Variants in PIK3CA observed in about 807,000 individuals in gnomAD.
PIK3CA encodes phosphatidylinositol 4,5-bisphosphate 3-kinase catalytic subunit alpha isoform.
PIK3CA carries 27 observed loss-of-function variants against 138.2 expected under a neutral mutation model. The observed-to-expected ratio is 0.20, with a 90% CI of 0.14 to 0.27. The LOEUF (loss-of-function observed/expected upper bound fraction) is 0.27. Among genes scored for constraint, PIK3CA ranks in the 10% least tolerant of loss-of-function variants. The probability of loss-of-function intolerance (pLI) is 1.00; values close to 1 mark genes in which losing one functional copy is unlikely to be tolerated. For synonymous variants in PIK3CA, 358 were observed against 413.2 expected, an observed-to-expected ratio of 0.87 and a Z score of 1.62; for missense variants, 544 against 1,277.4, an observed-to-expected ratio of 0.43 and a Z score of 8.75.
At chr3:179,181,690 C>A (rs1441320264) in intron 1 of PIK3CA, among the ~76,000 whole-genome samples, 1 of 152,026 alleles carries the variant, frequency 6.6e-6, no homozygotes, top group East Asian at 1.9e-4. Flanking sequence ...ATTTTCTCTG[C>A]CTTTTTTCCT....
chr3:179,222,271 A>T (rs1024048673), intron 14 of PIK3CA, among the ~76,000 whole-genome samples: 34 of 152,206 alleles, frequency 2.2e-4, no homozygotes, highest in Admixed American at 6.5e-4. Context: ...TATTGTATTA[A>T]TGTAAATGTC....
At chr3:179,167,590 C>A (rs1030061493) in intron 1 of PIK3CA, among the ~76,000 whole-genome samples, 1 of 151,966 alleles carries the variant, frequency 6.6e-6, no homozygotes, top group Non-Finnish European at 1.5e-5. Flanking sequence ...ATATTTAAAT[C>A]CTCTTTCTTT....
At position 179,224,115 on chromosome 3, in the gene PIK3CA, G is replaced by A. The variant is rs767744576; in HGVS notation, c.2222G>A (p.Arg741Gln). Residue 741 changes from arginine (R) to glutamine (Q), a missense_variant, in exon 15 of 21, where the codon CGA becomes CAA. Physicochemically the swap from Arg to Gln is conservative, Grantham distance 43. This residue lies in a region of PIK3CA where 35 missense variants were observed against 49.4 expected (regional missense o/e 0.71). Coordinates refer to ENST00000263967, the MANE Select transcript of PIK3CA (RefSeq NM_006218.4). ...QMKFLVEQMRRPDFMDALQGF... is the reference protein window; with the variant it reads ...QMKFLVEQMRQPDFMDALQGF... The stretch of plus-strand genomic sequence containing the variant: ...AAGTTTTTAGTTGAGCAAATGAGGC[G>A]ACCAGATTTCATGGATGCTCTACAG... 6 of 1,606,944 alleles carry A rather than the reference G, an allele frequency of 3.7e-6. No individual in the cohort carries two copies. Among genetic ancestry groups the A allele is most frequent in the East Asian group, 2.2e-5 (1 of 44,798 alleles).
At chr3:179,223,536 G>A (rs1159162777) in intron 14 of PIK3CA, among the ~76,000 whole-genome samples, 3 of 152,150 alleles carry the variant, frequency 2.0e-5, no homozygotes, top group Non-Finnish European at 2.9e-5. Context: ...AGCAAAGAGA[G>A]TATGAATGCT....
chr3:179,195,438 C>G (rs973099206), intron 1 of PIK3CA, among the ~76,000 whole-genome samples: 3 of 152,068 alleles, frequency 2.0e-5, no homozygotes, highest in African/African-American at 7.2e-5. Flanking sequence ...TTTCATATAT[C>G]ACTTCATCTA....
intron 1 of PIK3CA, among the ~76,000 whole-genome samples, chr3:179,195,260 G>GAA (rs370744912): frequency 2.2e-5 from 3 of 138,716 alleles, no homozygotes; most frequent in South Asian, 2.4e-4. Context: ...CCTTCTCGGT[G>GAA]AAAAAAAAAA....
chr3:179,186,023 G>A (rs1248416362), intron 1 of PIK3CA, among the ~76,000 whole-genome samples: 2 of 152,214 alleles, frequency 1.3e-5, no homozygotes, highest in Non-Finnish European at 2.9e-5. Context: ...GGTAGGGGTA[G>A]GACTAAAAGC....
chr3:179,228,625 G>A (rs985202044), intron 17 of PIK3CA, among the ~76,000 whole-genome samples: 20 of 151,906 alleles, frequency 1.3e-4, no homozygotes, highest in African/African-American at 4.8e-4. Flanking sequence ...AAGCATATAT[G>A]AGAATCCAGC....
intron 3 of PIK3CA, 93 bp downstream of exon 3, chr3:179,199,992 C>T (rs1469200876): frequency 1.1e-5 from 8 of 725,992 alleles, no homozygotes; most frequent in Admixed American, 2.5e-5. Context: ...TTTTTTCCAG[C>T]TAGATAGTAA....
intron 1 of PIK3CA, among the ~76,000 whole-genome samples, chr3:179,188,768 A>T (rs975170932): frequency 4.6e-5 from 7 of 152,240 alleles, no homozygotes; most frequent in Admixed American, 2.0e-4. Flanking sequence ...ATGGTATATT[A>T]TGAAATATAT....
rs1724905404 is a variant in PIK3CA at position 179,219,019 on chromosome 3, A to AT, written c.1665-176dup. Among the ~76,000 whole-genome samples the AT allele has an allele frequency of 6.6e-6, 1 of 152,064 alleles. No homozygotes were observed. The highest frequency in any genetic ancestry group is 6.6e-5 in the Admixed American group (1 of 15,244). ...TGCCATTATAACTGTGCCTAAGTAT[A>AT]TATGTAAATATATTTCCAACTATAG... On this transcript the variant is annotated intron_variant, in intron 10 of 20. Coordinates refer to ENST00000263967, the MANE Select transcript of PIK3CA (RefSeq NM_006218.4). The surrounding 1 kb of genome is among the most constrained non-coding windows in gnomAD (Gnocchi z 4.2).
chr3:179,228,180 A>AT (rs1400465225), intron 17 of PIK3CA, among the ~76,000 whole-genome samples: 7 of 152,048 alleles, frequency 4.6e-5, no homozygotes, highest in Non-Finnish European at 8.8e-5. Context: ...AATTTTGAAA[A>AT]TTCTAATTTT....
At chr3:179,216,247 T>C (rs1232600553) in intron 9 of PIK3CA, among the ~76,000 whole-genome samples, 1 of 152,216 alleles carries the variant, frequency 6.6e-6, no homozygotes, top group African/African-American at 2.4e-5. Context: ...AATTTGATAG[T>C]ATTTCTAAAG....
At chr3:179,179,136 A>G (rs569735802) in intron 1 of PIK3CA, among the ~76,000 whole-genome samples, 157 of 152,380 alleles carry the variant, frequency 1.0e-3, no homozygotes, top group Non-Finnish European at 1.9e-3. Flanking sequence ...AAGGATAAGC[A>G]TAAGAATATT....
rs1576950904 is a variant in PIK3CA at position 179,236,411 on chromosome 3, T to G, written c.*2047T>G. On this transcript the variant is annotated 3_prime_UTR_variant, in exon 21 of 21. Coordinates refer to ENST00000263967, the MANE Select transcript of PIK3CA (RefSeq NM_006218.4). Reference sequence around the variant, plus strand: ...TATTAAAACTTATTAACATTTTGTGTTGTTTAGATATAGGCAGTTGATACA... The same window carrying G: ...TATTAAAACTTATTAACATTTTGTGGTGTTTAGATATAGGCAGTTGATACA... 9.4e-6 allele frequency: 2 copies of G among 212,376 alleles called. No homozygotes were observed. Among genetic ancestry groups the G allele is most frequent in the East Asian group, 1.4e-4 (2 of 13,990 alleles). The allele number at this position is 212,376 out of a possible 1,614,324, so 13.2% of individuals were successfully genotyped here. A position where few individuals can be genotyped will look rare whatever the true frequency, so the allele number is the denominator to read the frequency against.
chr3:179,201,172 G>A, intron 3 of PIK3CA, 118 bp from the exon 4 acceptor site: 2 of 823,594 alleles, frequency 2.4e-6, no homozygotes. Context: ...GTTTTAATTG[G>A]GCTGATTAAA....
intron 1 of PIK3CA, among the ~76,000 whole-genome samples, chr3:179,176,441 G>C (rs1447478975): frequency 2.6e-5 from 4 of 151,972 alleles, no homozygotes; most frequent in African/African-American, 7.3e-5. Context: ...GTATATTATG[G>C]TTTAGGGTTA....
chr3:179,199,914 A>AGAGTAGATTAGTC lies in PIK3CA; in HGVS notation c.562+15_562+16insGAGTAGATTAGTC. 2.1e-6 allele frequency: 3 copies of AGAGTAGATTAGTC among 1,396,378 alleles called. No homozygotes were observed. The highest frequency in any genetic ancestry group is 3.1e-6 in the Non-Finnish European group (3 of 983,024). The allele number at this position is 1,396,378 out of a possible 1,614,324, so 86.5% of individuals were successfully genotyped here. A position where few individuals can be genotyped will look rare whatever the true frequency, so the allele number is the denominator to read the frequency against. On this transcript the variant is annotated intron_variant, in intron 3 of 20. Coordinates refer to ENST00000263967, the MANE Select transcript of PIK3CA (RefSeq NM_006218.4). ...ATTAGATAAAGGTAAGAAAATGACT[A>AGAGTAGATTAGTC]ATCTACTCTAATCATTACTATAGTG...
chr3:179,171,381 TAAG>T (rs1256009652), intron 1 of PIK3CA, among the ~76,000 whole-genome samples: 1 of 152,010 alleles, frequency 6.6e-6, no homozygotes, highest in African/African-American at 2.4e-5. Context: ...GCTACTACCT[TAAG>T]AAGCTAGAAA....
Sources: gnomAD v4.1 joint callset for allele counts (sites outside exome capture counted in the v4.1 genomes callset) on GRCh38, gnomAD v4.1.1 for gene constraint, gnomAD v4.1.1 regional missense constraint, Gnocchi (gnomAD v3.1) non-coding constraint, MANE v1.5 for transcripts, NCBI Gene and HGNC (gene_info 2026-07-23, HGNC 2026-07-21) for gene names.